TIAM1: variants seen among roughly 807,000 people sequenced by gnomAD.
The protein encoded by TIAM1 is TIAM Rac1 associated GEF 1.
In TIAM1, 65 loss-of-function variants were observed where a neutral mutation model predicts 163.5. The observed-to-expected ratio is 0.40, with a 90% CI of 0.33 to 0.49. The LOEUF is 0.49. TIAM1 is among the 20% of genes least tolerant of loss of function. The pLI, the probability that TIAM1 is intolerant of heterozygous loss-of-function variation, is 0.77. For synonymous variants in TIAM1, 833 were observed against 810.1 expected (o/e 1.03, Z -0.48); for missense variants, 1,789 against 2,044.7 (o/e 0.87, Z 2.41).
At chr21:31,124,300 G>C (rs1255058275) in intron 27 of TIAM1, 1 of 469,936 alleles carries the variant, frequency 2.1e-6, no homozygotes, top group Non-Finnish European at 3.5e-6. Flanking sequence ...CAAAGGGAAG[G>C]CTTGAGGGAG....
chr21:31,418,534 G>C (rs184957328), intron 2 of TIAM1, among the ~76,000 whole-genome samples: 2 of 152,044 alleles, frequency 1.3e-5, no homozygotes, highest in East Asian at 3.9e-4. Context: ...CCCCTACCCC[G>C]GTGGCTGCAG....
chr21:31,434,956 T>C (rs2044161736), intron 2 of TIAM1, among the ~76,000 whole-genome samples: 2 of 152,236 alleles, frequency 1.3e-5, no homozygotes, highest in South Asian at 4.1e-4. Context: ...AGTATTATGG[T>C]TAAAAGTCTC....
Position 31,427,209 on chromosome 21 carries a change from G to A in TIAM1, c.-369+36774C>T, listed in dbSNP as rs553425430. 8.5e-5 allele frequency among the ~76,000 whole-genome samples: 13 copies of A among 152,314 alleles called. No individual in the cohort carries two copies. The East Asian group carries it at 1.5e-3, about 18-fold the overall frequency. On this transcript the variant is annotated intron_variant, in intron 2 of 28. Coordinates refer to the TIAM1 transcript ENST00000286827. ...TCTTTAAGATTAAAGGTCATCGACCGGGCACAGTGGCTCACACCTGTAATC... is the reference window on the plus strand; with the variant it reads ...TCTTTAAGATTAAAGGTCATCGACCAGGCACAGTGGCTCACACCTGTAATC...
intron 2 of TIAM1, among the ~76,000 whole-genome samples, chr21:31,445,987 C>A (rs2044609167): frequency 6.6e-6 from 1 of 152,112 alleles, no homozygotes; most frequent in African/African-American, 2.4e-5. Flanking sequence ...GTTGCCCAGG[C>A]TGGAGTGCAG....
At chr21:31,225,701 G>C (rs767894461) in intron 7 of TIAM1, 25 bp downstream of exon 7, 2 of 1,592,310 alleles carry the variant, frequency 1.3e-6, no homozygotes, top group Non-Finnish European at 1.7e-6. Flanking sequence ...ATTTTGTCCG[G>C]ACCTAAACAC....
At position 31,225,237 on chromosome 21, in the gene TIAM1, C is replaced by T. The variant is rs536231340; in HGVS notation, c.1809+489G>A. Among the ~76,000 whole-genome samples, 1,335 of 152,058 alleles carry T rather than the reference C, an allele frequency of 8.8e-3. 16 individuals are homozygous for T. The highest frequency in any genetic ancestry group is 0.031 in the African/African-American group (1,266 of 41,486). ...CTGGTCTTGAAATCCTGGGCTCAAGCGAGTATGCCCACCTCAGCCTCCCAA... is the reference window on the plus strand; with the variant it reads ...CTGGTCTTGAAATCCTGGGCTCAAGTGAGTATGCCCACCTCAGCCTCCCAA... On this transcript the variant is annotated intron_variant, in intron 7 of 27. Transcript: ENST00000541036.
At chr21:31,286,640 G>A (rs113346757) in intron 2 of TIAM1, among the ~76,000 whole-genome samples, 1 of 152,126 alleles carries the variant, frequency 6.6e-6, no homozygotes, top group Non-Finnish European at 1.5e-5. Context: ...TTAAGCCCAG[G>A]AGATCAAGGC....
chr21:31,135,854 G>T, intron 23 of TIAM1, 79 bp downstream of exon 23: 1 of 1,312,558 alleles, frequency 7.6e-7, no homozygotes, highest in Non-Finnish European at 1.1e-6. Context: ...AATCAATTGG[G>T]TCTTGAAAAA....
intron 2 of TIAM1, among the ~76,000 whole-genome samples, chr21:31,357,740 T>C (rs2076339893): frequency 6.6e-6 from 1 of 152,236 alleles, no homozygotes; most frequent in Non-Finnish European, 1.5e-5. Context: ...CGTGCTGTTC[T>C]CAAGGGCACT....
chr21:31,476,515 TAC>T (rs1303648272), intron 1 of TIAM1, among the ~76,000 whole-genome samples: 1 of 152,168 alleles, frequency 6.6e-6, no homozygotes, highest in Non-Finnish European at 1.5e-5. Flanking sequence ...TTTAGTAAAT[TAC>T]AGATTCACTA....
At chr21:31,293,163 G>A (rs866987693) in intron 2 of TIAM1, among the ~76,000 whole-genome samples, 9 of 148,664 alleles carry the variant, frequency 6.1e-5, no homozygotes, top group Middle Eastern at 3.4e-3. Context: ...ATTTGCGGGG[G>A]CTGCCAAGTT....
intron 2 of TIAM1, among the ~76,000 whole-genome samples, chr21:31,305,341 G>A (rs2146968931): frequency 6.6e-6 from 1 of 151,882 alleles, no homozygotes; most frequent in East Asian, 1.9e-4. Flanking sequence ...TGGCCAAAAA[G>A]GCTGGATCTC....
chr21:31,215,589 A>AAG lies in TIAM1; in HGVS notation c.2142+1963_2142+1964insCT, dbSNP rs1555893145. ...AAAAGAAAAAAAAAAAAAAAAAAAAAGAAGAGAAATGCTGATGGTTCATGT... is the reference window on the plus strand; with the variant it reads ...AAAAGAAAAAAAAAAAAAAAAAAAAAAGGAAGAGAAATGCTGATGGTTCATGT... On this transcript the variant is annotated intron_variant, in intron 9 of 27. Coordinates refer to ENST00000541036, the MANE Select transcript of TIAM1 (RefSeq NM_001353694.2). Among the ~76,000 whole-genome samples, 650 of 147,650 alleles carry AAG rather than the reference A, an allele frequency of 4.4e-3. 11 individuals carry two copies. The highest frequency in any genetic ancestry group is 0.016 in the African/African-American group (616 of 37,888).
intron 2 of TIAM1, among the ~76,000 whole-genome samples, chr21:31,389,794 A>G (rs1183056501): frequency 1.3e-5 from 2 of 152,198 alleles, no homozygotes; most frequent in African/African-American, 4.8e-5. Flanking sequence ...CAATTTATCT[A>G]TCTTAGCCCT....
intron 25 of TIAM1, among the ~76,000 whole-genome samples, chr21:31,128,755 A>C (rs2082301925): frequency 1.3e-5 from 2 of 152,220 alleles, no homozygotes; most frequent in African/African-American, 4.8e-5. Context: ...ACAAATAATC[A>C]TTCCAAATAT....
At chr21:31,283,105 C>T (rs1341834012) in intron 2 of TIAM1, among the ~76,000 whole-genome samples, 1 of 152,204 alleles carries the variant, frequency 6.6e-6, no homozygotes, top group East Asian at 1.9e-4. Flanking sequence ...AGTGAAGTTA[C>T]TATGTATGTC....
chr21:31,281,631 T>C (rs2073570396), intron 2 of TIAM1, among the ~76,000 whole-genome samples: 1 of 152,120 alleles, frequency 6.6e-6, no homozygotes, highest in African/African-American at 2.4e-5. Flanking sequence ...AAATCAGTAC[T>C]GACAGATAAA....
At chr21:31,536,613 A>G (rs573863995) in intron 1 of TIAM1, among the ~76,000 whole-genome samples, 1 of 152,144 alleles carries the variant, frequency 6.6e-6, no homozygotes, top group African/African-American at 2.4e-5. Flanking sequence ...ACCTATAGTC[A>G]CCCCACAGGT....
chr21:31,499,888 C>T (rs537465351), intron 1 of TIAM1, among the ~76,000 whole-genome samples: 108 of 149,702 alleles, frequency 7.2e-4, no homozygotes, highest in Non-Finnish European at 1.2e-3. Context: ...AAAAAAACAG[C>T]TGGATGCAGT....
Sources: gnomAD v4.1 joint callset for allele counts (sites outside exome capture counted in the v4.1 genomes callset) on GRCh38, gnomAD v4.1.1 for gene constraint, MANE v1.5 for transcripts, NCBI Gene and HGNC (gene_info 2026-07-23, HGNC 2026-07-21) for gene names.